The following WDFY2 variants were observed in gnomAD, a reference collection of about 807,000 sequenced individuals.
WDFY2 encodes the protein WD repeat and FYVE domain containing 2.
Under a neutral mutation model 56.4 loss-of-function variants are expected in WDFY2, and 36 were observed. The ratio of observed to expected loss-of-function variants is 0.64; its 90% CI spans 0.49 to 0.84. The LOEUF (loss-of-function observed/expected upper bound fraction) is 0.84. Among genes scored for constraint, WDFY2 ranks in the 40% least tolerant of loss-of-function variants. WDFY2 has a pLI of 0.00. For missense variants in WDFY2, 444 were observed against 512.2 expected, an observed-to-expected ratio of 0.87 and a Z score of 1.29; for synonymous variants, 176 against 183.7, an observed-to-expected ratio of 0.96 and a Z score of 0.34.
intron 6 of WDFY2, among the ~76,000 whole-genome samples, chr13:51,728,451 C>G (rs1189229173): frequency 6.6e-6 from 1 of 152,156 alleles, no homozygotes; most frequent in Admixed American, 6.5e-5. Context: ...ACTATTGACT[C>G]TAGAACTTAT....
chr13:51,662,290 T>C lies in WDFY2; in HGVS notation c.205+1627T>C, dbSNP rs148649183. ...CTTTTTTCCTGTTTTTTAAATGATA[T>C]AACCAGTATTTTTTCTGGTCTTGCT... is the stretch of plus-strand genomic sequence containing the variant. On this transcript the variant is annotated intron_variant, in intron 2 of 11. Coordinates refer to ENST00000298125, the MANE Select transcript of WDFY2 (RefSeq NM_052950.4). Among the ~76,000 whole-genome samples the C allele has an allele frequency of 2.6e-3, 392 of 152,254 alleles. 6 individuals carry two copies. The highest frequency in any genetic ancestry group is 0.023 in the Admixed American group (356 of 15,288).
intron 3 of WDFY2, among the ~76,000 whole-genome samples, chr13:51,691,628 T>G (rs1370535394): frequency 6.6e-6 from 1 of 151,996 alleles, no homozygotes; most frequent in Non-Finnish European, 1.5e-5. Flanking sequence ...AGTCAGGTAG[T>G]GTGATGCCTC....
chr13:51,766,450 A>G lies in WDFY2; in HGVS notation c.*6681A>G, dbSNP rs1717365673. ...TTCTTTCTTTTTTTAAAGTGAGGAG[A>G]TTCTTCAGGGGGTCAGGCTGAGAAT... On this transcript the variant is annotated 3_prime_UTR_variant, in exon 12 of 12. Coordinates refer to ENST00000298125, the MANE Select transcript of WDFY2 (RefSeq NM_052950.4). 6.6e-6 allele frequency: 1 copy of G among 151,948 alleles called. No homozygotes were observed. 9.4% of individuals were successfully genotyped at this position (151,948 alleles called of 1,614,324 possible).
intron 4 of WDFY2, among the ~76,000 whole-genome samples, chr13:51,716,738 G>A (rs1227120908): frequency 7.4e-6 from 1 of 135,114 alleles, no homozygotes; most frequent in Non-Finnish European, 1.6e-5. Context: ...AAAACCAAAG[G>A]CACTACAAGA....
chr13:51,664,386 A>C lies in WDFY2; in HGVS notation c.205+3723A>C, dbSNP rs558288637. On this transcript the variant is annotated intron_variant, in intron 2 of 11. Transcript: ENST00000298125. ...CAGAAATGCTAGTCTCAGCCTGGGC[A>C]GGGCCATTTTACTGGGAACATATAA... 2.6e-5 allele frequency among the ~76,000 whole-genome samples: 4 copies of C among 152,338 alleles called. No homozygotes were observed. The East Asian group carries it at 7.7e-4, about 29-fold the overall frequency.
chr13:51,603,477 A>C (rs1216263169), intron 1 of WDFY2, among the ~76,000 whole-genome samples: 3 of 152,176 alleles, frequency 2.0e-5, no homozygotes, highest in Admixed American at 2.0e-4. Context: ...GGGGATACTC[A>C]TGACTTCTCA....
At chr13:51,682,301 A>G (rs1421833462) in intron 3 of WDFY2, among the ~76,000 whole-genome samples, 3 of 152,162 alleles carry the variant, frequency 2.0e-5, no homozygotes, top group East Asian at 3.8e-4. Flanking sequence ...TTGTCCTAGG[A>G]ACCTTATATC....
intron 4 of WDFY2, among the ~76,000 whole-genome samples, chr13:51,713,087 A>G (rs1037200711): frequency 6.6e-6 from 1 of 152,234 alleles, no homozygotes; most frequent in African/African-American, 2.4e-5. Context: ...AGACTCTTTC[A>G]GAAGTTGCAG....
intron 1 of WDFY2, among the ~76,000 whole-genome samples, chr13:51,627,546 T>G (rs937193901): frequency 6.6e-6 from 1 of 151,812 alleles, no homozygotes; most frequent in Non-Finnish European, 1.5e-5. Context: ...TTTTTTTTTT[T>G]GTTGTTATTG....
At chr13:51,724,429 G>A (rs371594050) in intron 5 of WDFY2, among the ~76,000 whole-genome samples, 1 of 152,182 alleles carries the variant, frequency 6.6e-6, no homozygotes, top group African/African-American at 2.4e-5. Flanking sequence ...AGTAGAGACA[G>A]GGTTTCACTA....
chr13:51,699,997 G>A (rs1159146044), intron 3 of WDFY2, among the ~76,000 whole-genome samples: 3 of 152,186 alleles, frequency 2.0e-5, no homozygotes, highest in Admixed American at 2.0e-4. Flanking sequence ...GAAAGAATAA[G>A]TTAGAACTAC....
At chr13:51,618,622 A>T (rs182702021) in intron 1 of WDFY2, among the ~76,000 whole-genome samples, 183 of 152,378 alleles carry the variant, frequency 1.2e-3, no homozygotes, top group Admixed American at 3.9e-3. Flanking sequence ...TTTATAGAGT[A>T]TAATGCAGCT....
At chr13:51,745,148 A>C (rs1328681432) in intron 7 of WDFY2, among the ~76,000 whole-genome samples, 1 of 152,204 alleles carries the variant, frequency 6.6e-6, no homozygotes, top group Non-Finnish European at 1.5e-5. Flanking sequence ...TGTAGTTCAA[A>C]TCATAGAGTT....
chr13:51,716,558 TGGCG>T (rs1952352061), intron 4 of WDFY2, among the ~76,000 whole-genome samples: 1 of 150,072 alleles, frequency 6.7e-6, no homozygotes, highest in Non-Finnish European at 1.5e-5. Flanking sequence ...CCGGGCGTAG[TGGCG>T]GGCGCCTGTA....
intron 4 of WDFY2, among the ~76,000 whole-genome samples, chr13:51,704,658 C>T (rs1952048016): frequency 6.6e-6 from 1 of 152,198 alleles, no homozygotes; most frequent in Non-Finnish European, 1.5e-5. Context: ...GTGTTCTGCT[C>T]TCACTTCTCT....
chr13:51,737,551 TAAAA>T (rs67418551), intron 6 of WDFY2, among the ~76,000 whole-genome samples: 7,827 of 52,998 alleles, frequency 0.15, 234 homozygotes, highest in Non-Finnish European at 0.18. Context: ...ACAATGAATT[TAAAA>T]AAAAAAAAAA....
intron 1 of WDFY2, among the ~76,000 whole-genome samples, chr13:51,622,540 T>G (rs886885009): frequency 2.0e-5 from 3 of 152,252 alleles, no homozygotes; most frequent in Non-Finnish European, 4.4e-5. Flanking sequence ...TGAAGCAGTT[T>G]ATAAGTTTCA....
chr13:51,619,260 T>C (rs1954681671), intron 1 of WDFY2, among the ~76,000 whole-genome samples: 1 of 152,054 alleles, frequency 6.6e-6, no homozygotes, highest in African/African-American at 2.4e-5. Flanking sequence ...TGAGACCAGC[T>C]TGGGCAACAT....
intron 2 of WDFY2, among the ~76,000 whole-genome samples, chr13:51,671,688 G>T (rs1466471963): frequency 7.0e-6 from 1 of 143,552 alleles, no homozygotes; most frequent in Non-Finnish European, 1.5e-5. Flanking sequence ...TGGGTTGTCT[G>T]TTTACTCTGC....
Sources: gnomAD v4.1 joint callset for allele counts (sites outside exome capture counted in the v4.1 genomes callset) on GRCh38, gnomAD v4.1.1 for gene constraint, MANE v1.5 for transcripts, NCBI Gene and HGNC (gene_info 2026-07-23, HGNC 2026-07-21) for gene names.